ST7L: variants seen among roughly 807,000 people sequenced by gnomAD.
ST7L encodes the protein suppression of tumorigenicity 7 like.
In ST7L, 57 loss-of-function variants were observed where a neutral mutation model predicts 72.5. That is an observed-to-expected ratio of 0.79 (90% CI 0.64 to 0.98). The LOEUF (loss-of-function observed/expected upper bound fraction) is 0.98, where lower values mean the gene tolerates loss of function less well. Among genes scored for constraint, ST7L ranks in the 50% least tolerant of loss-of-function variants. ST7L has a pLI of 0.00. For synonymous variants in ST7L, 221 were observed against 240.9 expected, an observed-to-expected ratio of 0.92 and a Z score of 0.77; for missense variants, 576 against 672.2, an observed-to-expected ratio of 0.86 and a Z score of 1.58.
intron 5 of ST7L, among the ~76,000 whole-genome samples, chr1:112,597,347 G>C (rs1666634176): frequency 6.6e-6 from 1 of 152,174 alleles, no homozygotes; most frequent in African/African-American, 2.4e-5. Context: ...GGGCACAGTG[G>C]CTCATGCCTA....
chr1:112,599,116 A>ATG, intron 4 of ST7L, among the ~76,000 whole-genome samples: 1 of 57,790 alleles, frequency 1.7e-5, no homozygotes, highest in Non-Finnish European at 3.1e-5. Context: ...ATATATGTGG[A>ATG]TGTGTGTGTA....
chr1:112,522,042 T>G (rs752230710), downstream of ST7L: 3 of 152,216 alleles, frequency 2.0e-5, no homozygotes, highest in Non-Finnish European at 4.4e-5. Context: ...TCTTTTTATT[T>G]CTTTTAGAGA....
chr1:112,551,472 A>G (rs1198438914), intron 12 of ST7L, among the ~76,000 whole-genome samples: 6 of 152,232 alleles, frequency 3.9e-5, no homozygotes, highest in Non-Finnish European at 8.8e-5. Context: ...AATCTAGATC[A>G]GGGGTCACCA....
intron 14 of ST7L, among the ~76,000 whole-genome samples, chr1:112,538,657 G>A (rs1655602018): frequency 6.6e-6 from 1 of 152,024 alleles, no homozygotes; most frequent in Non-Finnish European, 1.5e-5. Flanking sequence ...TACTAATAGT[G>A]TTTTAAAAAT....
At chr1:112,615,968 C>G (rs1275253138) in intron 2 of ST7L, among the ~76,000 whole-genome samples, 2 of 152,102 alleles carry the variant, frequency 1.3e-5, no homozygotes, top group East Asian at 3.9e-4. Flanking sequence ...AACTCCTGGC[C>G]TCAAGTGATC....
At chr1:112,616,994 G>A in intron 1 of ST7L, 99 bp from the exon 2 acceptor site, 1 of 730,314 alleles carries the variant, frequency 1.4e-6, no homozygotes, top group South Asian at 1.7e-5. Context: ...GACTTAAGTA[G>A]TATTAATATC....
rs796098784 is a variant in ST7L, at chr1:112,556,998, A to C, written c.1246-980T>G. 1.8e-4 allele frequency among the ~76,000 whole-genome samples: 25 copies of C among 142,144 alleles called. No homozygotes were observed. In the South Asian group the frequency reaches 2.8e-3, roughly 16 times the overall value. The allele number at this position is 142,144 out of a possible 152,430, so 93.3% of individuals were successfully genotyped here. On this transcript the variant is annotated intron_variant, in intron 11 of 14. Coordinates refer to ENST00000358039, the MANE Select transcript of ST7L (RefSeq NM_017744.5). ...AAAAAAAAAAAACAAAAAAAAAAAA[A>C]CACAAAGAAAAGAAAAAAAAAGGTG... is the stretch of plus-strand genomic sequence containing the variant.
intron 3 of ST7L, among the ~76,000 whole-genome samples, chr1:112,605,701 A>G (rs1668137237): frequency 2.0e-5 from 3 of 151,466 alleles, no homozygotes; most frequent in Admixed American, 2.0e-4. Context: ...AAAAAAAAAA[A>G]GAGAAAAAGC....
chr1:112,609,152 C>T (rs932300171), intron 3 of ST7L, among the ~76,000 whole-genome samples: 2 of 151,972 alleles, frequency 1.3e-5, no homozygotes, highest in African/African-American at 4.8e-5. Context: ...CATACTGAGA[C>T]CTCATCTCTA....
intron 3 of ST7L, among the ~76,000 whole-genome samples, chr1:112,605,157 C>CA (rs1668026298): frequency 6.6e-6 from 1 of 150,704 alleles, no homozygotes; most frequent in African/African-American, 2.4e-5. Context: ...TTTGGGAGAC[C>CA]AAGGCGGGTG....
chr1:112,615,259 CAGGT>C lies in ST7L; in HGVS notation c.288+1550_288+1553del, dbSNP rs1439273866. 1.8e-3 allele frequency among the ~76,000 whole-genome samples: 271 copies of C among 152,180 alleles called. 2 individuals are homozygous for C. Among genetic ancestry groups the C allele is most frequent in the African/African-American group, 6.1e-3 (255 of 41,500 alleles). On this transcript the variant is annotated intron_variant, in intron 2 of 14. Transcript: ENST00000358039. Reference sequence around the variant, plus strand: ...TCGGTCTCCCAAAGTGCTAGGATTACAGGTATGAACCACTGTATCAGGCCAAACA... The same window carrying C: ...TCGGTCTCCCAAAGTGCTAGGATTACATGAACCACTGTATCAGGCCAAACA...
intron 5 of ST7L, among the ~76,000 whole-genome samples, chr1:112,597,457 G>C (rs1292306391): frequency 6.6e-6 from 1 of 152,102 alleles, no homozygotes; most frequent in Admixed American, 6.6e-5. Flanking sequence ...CAATCAATCA[G>C]CCCTGTCTTT....
chr1:112,588,506 A>C (rs1665193438), intron 6 of ST7L, among the ~76,000 whole-genome samples: 1 of 152,182 alleles, frequency 6.6e-6, no homozygotes, highest in African/African-American at 2.4e-5. Flanking sequence ...AGATTTTGTC[A>C]GATCTTTTTC....
At chr1:112,570,801 T>A (rs557322158) in intron 11 of ST7L, 3 of 453,578 alleles carry the variant, frequency 6.6e-6, no homozygotes, top group Middle Eastern at 3.3e-4. Context: ...CTCTCCCAGT[T>A]CATATAACAT....
At position 112,602,947 on chromosome 1, in the gene ST7L, T is replaced by G. The variant is rs769028486; in HGVS notation, c.452-2099A>C. On this transcript the variant is annotated intron_variant, in intron 3 of 14. Coordinates refer to ENST00000358039, the MANE Select transcript of ST7L (RefSeq NM_017744.5). Reference sequence around the variant, plus strand: ...CTTAGCCAGGATGGTCTTGATCTGCTGACCTCGTGATCCACCCGTCTCGGC... The same window carrying G: ...CTTAGCCAGGATGGTCTTGATCTGCGGACCTCGTGATCCACCCGTCTCGGC... Among the ~76,000 whole-genome samples, 16 of 152,124 alleles carry G rather than the reference T, an allele frequency of 1.1e-4. 1 individual carries two copies. Among genetic ancestry groups the G allele is most frequent in the Non-Finnish European group, 1.2e-4 (8 of 68,006 alleles).
chr1:112,584,694 G>T (rs771705915), intron 6 of ST7L, among the ~76,000 whole-genome samples: 1 of 152,080 alleles, frequency 6.6e-6, no homozygotes, highest in East Asian at 1.9e-4. Flanking sequence ...CAACATGTTG[G>T]CTAGGCTGGT....
At chr1:112,534,742 A>G (rs956067525) in intron 14 of ST7L, among the ~76,000 whole-genome samples, 27 of 152,236 alleles carry the variant, frequency 1.8e-4, no homozygotes, top group African/African-American at 6.5e-4. Context: ...ATTGTGAATT[A>G]TAATATCACT....
intron 11 of ST7L, among the ~76,000 whole-genome samples, chr1:112,566,685 A>AT (rs1661121275): frequency 6.6e-6 from 1 of 152,108 alleles, no homozygotes; most frequent in Admixed American, 6.5e-5. Flanking sequence ...CAGTGTTTTC[A>AT]TTTCTACCAC....
chr1:112,556,170 G>A, intron 11 of ST7L, 152 bp from the exon 12 acceptor site: 1 of 548,480 alleles, frequency 1.8e-6, no homozygotes, highest in Non-Finnish European at 2.9e-6. Context: ...TGAAGATACT[G>A]ATAACATGTA....
Sources: gnomAD v4.1 joint callset for allele counts (sites outside exome capture counted in the v4.1 genomes callset) on GRCh38, gnomAD v4.1.1 for gene constraint, MANE v1.5 for transcripts, NCBI Gene and HGNC (gene_info 2026-07-23, HGNC 2026-07-21) for gene names.